The following SCN1A variants were observed in gnomAD, a reference collection of about 807,000 sequenced individuals.
SCN1A encodes the protein sodium voltage-gated channel alpha subunit 1.
Under a neutral mutation model 193.7 loss-of-function variants are expected in SCN1A, and 13 were observed. The ratio of observed to expected loss-of-function variants is 0.07; its 90% CI spans 0.04 to 0.11. The LOEUF (loss-of-function observed/expected upper bound fraction) is 0.11, where lower values mean the gene tolerates loss of function less well. Ranked by LOEUF, SCN1A falls within the 10% of genes least tolerant of loss-of-function variation. SCN1A has a pLI of 1.00. For missense variants in SCN1A, 1,432 were observed against 2,451.1 expected (o/e 0.58, Z 8.78); for synonymous variants, 781 against 843.6 (o/e 0.93, Z 1.29).
At chr2:166,058,782 A>G in intron 4 of SCN1A, 94 bp from the exon 5 acceptor site, 2 of 786,888 alleles carry the variant, frequency 2.5e-6, no homozygotes, top group Non-Finnish European at 4.5e-6. Flanking sequence ...AAATTATTGT[A>G]AAGTTAAATG....
In SCN1A at chr2:166,003,506, G is replaced by A. The variant is rs185288363; in HGVS notation, c.4003-753C>T. ...ATCTGATGTGATCACATGAAGTTCTGTGTTCAATTATTATCTACTTTTTTT... is the reference window on the plus strand; with the variant it reads ...ATCTGATGTGATCACATGAAGTTCTATGTTCAATTATTATCTACTTTTTTT... On this transcript the variant is annotated intron_variant, in intron 23 of 28. Transcript: ENST00000674923. 4.0e-5 allele frequency among the ~76,000 whole-genome samples: 6 copies of A among 151,152 alleles called. No individual in the cohort carries two copies. The East Asian group carries it at 9.8e-4, about 25-fold the overall frequency.
chr2:166,000,712 C>T (rs986149958), intron 24 of SCN1A, among the ~76,000 whole-genome samples: 1 of 151,622 alleles, frequency 6.6e-6, no homozygotes, highest in East Asian at 1.9e-4. Flanking sequence ...AAGTACAAGG[C>T]TTTTGTATAT....
At position 165,998,170 on chromosome 2, in the gene SCN1A, T is replaced by A; in HGVS notation, c.4344A>T (p.Glu1448Asp). Residue 1448 changes from glutamate to aspartate, a missense_variant, in exon 26 of 29, where the codon GAA becomes GAT. Transcript: ENST00000674923. ...GACTTTCTTCATACTTAGGCTGGAGTTCCACCTACCAAAGGGGAATATTTT... is the reference window on the plus strand; with the variant it reads ...GACTTTCTTCATACTTAGGCTGGAGATCCACCTACCAAAGGGGAATATTTT... ...MYAAVDSRNV[E>D]LQPKYEESLY... 6.2e-7 allele frequency: 1 copy of A among 1,603,512 alleles called. No individual in the cohort carries two copies. Among genetic ancestry groups the A allele is most frequent in the Non-Finnish European group, 8.5e-7 (1 of 1,172,868 alleles).
chr2:166,004,997 G>A (rs1424170807), intron 23 of SCN1A, among the ~76,000 whole-genome samples: 1 of 151,402 alleles, frequency 6.6e-6, no homozygotes, highest in African/African-American at 2.4e-5. Flanking sequence ...GAAAAATGAG[G>A]TTAAAACAAG....
intron 19 of SCN1A, among the ~76,000 whole-genome samples, chr2:166,019,703 C>T (rs764348167): frequency 5.9e-5 from 9 of 152,078 alleles, no homozygotes; most frequent in Non-Finnish European, 1.0e-4. Flanking sequence ...TCATTCTAGC[C>T]TCATGTGACT....
upstream of SCN1A, among the ~76,000 whole-genome samples, chr2:166,128,954 A>T (rs185610242): frequency 6.6e-6 from 1 of 152,184 alleles, no homozygotes; most frequent in African/African-American, 2.4e-5. Flanking sequence ...TCAGTCATAC[A>T]TAAAATCACG....
intron 19 of SCN1A, 76 bp from the exon 20 acceptor site, chr2:166,015,803 C>T (rs1693214626): frequency 6.5e-7 from 1 of 1,536,778 alleles, no homozygotes; most frequent in Non-Finnish European, 9.0e-7. Context: ...AGGATTATTA[C>T]TATGAATTTG....
intron 20 of SCN1A, among the ~76,000 whole-genome samples, chr2:166,015,040 C>T (rs1693090489): frequency 6.6e-6 from 1 of 151,702 alleles, no homozygotes; most frequent in African/African-American, 2.4e-5. Context: ...TATTTCCAAA[C>T]CTCAAATTCC....
intron 19 of SCN1A, among the ~76,000 whole-genome samples, chr2:166,032,873 A>C (rs1345114390): frequency 6.6e-6 from 1 of 152,172 alleles, no homozygotes; most frequent in African/African-American, 2.4e-5. Context: ...GTGAATCTTG[A>C]ATCTAGAGAA....
intron 19 of SCN1A, among the ~76,000 whole-genome samples, chr2:166,023,456 T>G (rs1411975961): frequency 1.3e-5 from 2 of 152,250 alleles, no homozygotes; most frequent in African/African-American, 4.8e-5. Flanking sequence ...TTAGCCCATT[T>G]TTTAAATATG....
At chr2:166,105,983 C>T (rs547000749) in intron 2 of SCN1A, among the ~76,000 whole-genome samples, 1 of 152,186 alleles carries the variant, frequency 6.6e-6, no homozygotes, top group South Asian at 2.1e-4. Flanking sequence ...GTCAGGAGAT[C>T]GAGACCATCC....
intron 19 of SCN1A, among the ~76,000 whole-genome samples, chr2:166,017,454 TG>T (rs1693456123): frequency 6.6e-6 from 1 of 152,074 alleles, no homozygotes; most frequent in South Asian, 2.1e-4. Flanking sequence ...CATGATCTTC[TG>T]AAGAAATTCT....
Position 166,051,965 on chromosome 2 carries a change from G to T in SCN1A, c.718C>A (p.Leu240Met). Residue 240 changes from leucine (L) to methionine (M), a missense_variant, in exon 9 of 29, where the codon CTG becomes ATG. Transcript: ENST00000674923. ...GAGAGCTTCTTCACAGACTGGATCAGGGCTCCCACAATGGTTTTCAGGCCT... is the reference window on the plus strand; with the variant it reads ...GAGAGCTTCTTCACAGACTGGATCATGGCTCCCACAATGGTTTTCAGGCCT... ...IPGLKTIVGA[L>M]IQSVKKLSDV... 1 of 1,611,820 alleles carries T rather than the reference G, an allele frequency of 6.2e-7. No homozygotes were observed. The highest frequency in any genetic ancestry group is 8.5e-7 in the Non-Finnish European group (1 of 1,178,546).
In SCN1A at chr2:165,994,501, T is replaced by C; in HGVS notation, c.4582-85A>G. The stretch of plus-strand genomic sequence containing the variant: ...AAGTACTTTCTGCATTAATTGACTT[T>C]CTAGTTTCTTGCAAAGTAGTCATTG... On this transcript the variant is annotated intron_variant, in intron 27 of 28. Coordinates refer to ENST00000674923, the MANE Select transcript of SCN1A (RefSeq NM_001165963.4). 3 of 1,320,232 alleles carry C rather than the reference T, an allele frequency of 2.3e-6. No homozygotes were observed. In the South Asian group the frequency reaches 3.7e-5, roughly 16 times the overall value. The allele number at this position is 1,320,232 out of a possible 1,614,324, so 81.8% of individuals were successfully genotyped here. A position where few individuals can be genotyped will look rare whatever the true frequency, so the allele number is the denominator to read the frequency against.
At chr2:166,063,730 G>T (rs1559264702) in intron 4 of SCN1A, among the ~76,000 whole-genome samples, 1 of 151,882 alleles carries the variant, frequency 6.6e-6, no homozygotes, top group Non-Finnish European at 1.5e-5. Context: ...AACAAAGCAG[G>T]TGAAATTAAT....
Position 166,041,480 on chromosome 2 carries a change from A to AG in SCN1A, c.2177-12_2177-11insC, listed in dbSNP as rs1697178604. 4.7e-6 allele frequency: 4 copies of AG among 844,058 alleles called. No homozygotes were observed. The South Asian group carries it at 5.8e-5, about 12-fold the overall frequency. The allele number at this position is 844,058 out of a possible 1,614,324, so 52.3% of individuals were successfully genotyped here. On this transcript the variant is annotated splice_polypyrimidine_tract_variant and intron_variant, in intron 15 of 28. Transcript: ENST00000674923. ...TGGATTCTTCAAGTTCTAGATTAAG[A>AG]AAAAAAAAAAAAAGAACCACCAAAA...
chr2:165,987,460 A>G lies in SCN1A; in HGVS notation c.*3785T>C, dbSNP rs776875233. 13 of 152,176 alleles carry G rather than the reference A, an allele frequency of 8.5e-5. No homozygotes were observed. The highest frequency in any genetic ancestry group is 1.8e-4 in the Non-Finnish European group (12 of 68,006). 9.4% of individuals were successfully genotyped at this position (152,176 alleles called of 1,614,324 possible). On this transcript the variant is annotated 3_prime_UTR_variant, in exon 29 of 29. Transcript: ENST00000674923. ...ATGATTCTTGTATGAATCAATTGTC[A>G]TTAGGGTGATTGCCAAATAGTGATT...
chr2:166,021,306 G>T (rs191834015), intron 19 of SCN1A, among the ~76,000 whole-genome samples: 141 of 152,268 alleles, frequency 9.3e-4, no homozygotes, highest in Middle Eastern at 3.4e-3. Context: ...TGAGAGAAGT[G>T]TTAGTGCTTT....
intron 1 of SCN1A, among the ~76,000 whole-genome samples, chr2:166,138,746 A>G (rs1267087330): frequency 1.3e-5 from 2 of 152,142 alleles, no homozygotes; most frequent in Admixed American, 6.5e-5. Flanking sequence ...TGGTGGAGCT[A>G]TGAGAAGAGG....
Sources: allele counts gnomAD v4.1 joint callset (sites outside exome capture counted in the v4.1 genomes callset), GRCh38; gene constraint gnomAD v4.1.1; transcripts MANE v1.5; gene names NCBI Gene and HGNC (gene_info 2026-07-23, HGNC 2026-07-21).